NSD1: variants seen among roughly 807,000 people sequenced by gnomAD.
NSD1 encodes histone-lysine N-methyltransferase, H3 lysine-36 specific.
A neutral mutation model predicts 242.7 loss-of-function variants in NSD1; 26 were observed. That is an observed-to-expected ratio of 0.11 (90% confidence interval 0.08 to 0.15). The LOEUF (loss-of-function observed/expected upper bound fraction) is 0.15, where lower values mean the gene tolerates loss of function less well. NSD1 is among the 10% of genes least tolerant of loss of function. The pLI, the probability that NSD1 is intolerant of heterozygous loss-of-function variation, is 1.00. For synonymous variants in NSD1, 1,106 were observed against 1,178.1 expected (o/e 0.94, Z 1.25); for missense variants, 2,495 against 3,272.8 (o/e 0.76, Z 5.80).
At chr5:177,169,808 C>A (rs78572808) in intron 2 of NSD1, among the ~76,000 whole-genome samples, 2,781 of 152,224 alleles carry the variant, frequency 0.018, 33 homozygotes, top group Non-Finnish European at 0.028. Context: ...GAATGTATTC[C>A]AATATCAAAT....
rs1757091551 is a variant in NSD1, at chr5:177,262,744, T to C, written c.5146+2576T>C. Among the ~76,000 whole-genome samples, 3 of 152,230 alleles carry C rather than the reference T, an allele frequency of 2.0e-5. No homozygotes were observed. In the South Asian group the frequency reaches 6.2e-4, roughly 31 times the overall value. Reference sequence around the variant, plus strand: ...AAATACAAAACTTAGCCAGGCGTGATGGCAGACACCTGTAATCCCAGCTAC... The same window carrying C: ...AAATACAAAACTTAGCCAGGCGTGACGGCAGACACCTGTAATCCCAGCTAC... On this transcript the variant is annotated intron_variant, in intron 14 of 22. Transcript: ENST00000439151.
rs79222656 is a variant in NSD1, at chr5:177,238,197, A to G, written c.3922-40A>G. ...TCTTTTTGACACTTAAATTACAACA[A>G]TTTTGGCCTGTGGACTCTATTTTTA... is the stretch of plus-strand genomic sequence containing the variant. On this transcript the variant is annotated intron_variant, in intron 6 of 22. Coordinates refer to ENST00000439151, the MANE Select transcript of NSD1 (RefSeq NM_022455.5). This position sits in a 1 kb window ranked among gnomAD's most constrained non-coding sequence, Gnocchi z 4.6. 233 of 1,612,122 alleles carry G rather than the reference A, an allele frequency of 1.4e-4. No individual in the cohort carries two copies. The African/African-American group carries it at 2.0e-3, about 14-fold the overall frequency.
rs117751808 is a variant in NSD1 at position 177,175,516 on chromosome 5, G to A, written c.928-16368G>A. 2.1e-3 allele frequency among the ~76,000 whole-genome samples: 312 copies of A among 152,060 alleles called. 9 individuals are homozygous for A. The East Asian group carries it at 0.048, about 23-fold the overall frequency. On this transcript the variant is annotated intron_variant, in intron 2 of 22. Coordinates refer to ENST00000439151, the MANE Select transcript of NSD1 (RefSeq NM_022455.5). ...GGTGGCATGTGTCATTAGTCCCAGC[G>A]ACTTGGTGGGGCTGAGGTGGGAGGA...
chr5:177,243,827 G>A (rs1766075742), intron 8 of NSD1, among the ~76,000 whole-genome samples: 1 of 152,062 alleles, frequency 6.6e-6, no homozygotes, highest in Non-Finnish European at 1.5e-5. Flanking sequence ...CTGAGTAGCT[G>A]GGATTACAGG....
At chr5:177,272,566 C>G (rs1186606729) in intron 16 of NSD1, among the ~76,000 whole-genome samples, 1 of 152,118 alleles carries the variant, frequency 6.6e-6, no homozygotes, top group Non-Finnish European at 1.5e-5. Flanking sequence ...TTTTGTTGGA[C>G]TTTTCAGATA....
intron 17 of NSD1, among the ~76,000 whole-genome samples, chr5:177,278,243 A>G (rs11951611): frequency 0.049 from 7,409 of 152,218 alleles, 196 homozygotes; most frequent in South Asian, 0.082. Flanking sequence ...GAGTAGCTGG[A>G]ACCTCAAGCA....
chr5:177,235,954 C>T lies in NSD1; in HGVS notation c.3921+9C>T, dbSNP rs192246663. ...AGGAGCAGGTGCACAAGGTATGTTG[C>T]AAAATTTCAGCAAACTTTCACTGGT... On this transcript the variant is annotated intron_variant, in intron 6 of 22. Transcript: ENST00000439151. 2.8e-5 allele frequency: 45 copies of T among 1,613,792 alleles called. 1 individual carries two copies. Among genetic ancestry groups the T allele is most frequent in the Admixed American group, 1.2e-4 (7 of 60,012 alleles).
In NSD1 at chr5:177,235,861, G is replaced by A. The variant is rs1765400524; in HGVS notation, c.3837G>A (p.Lys1279=). ...AGAAACGCCTTAGGAAGCCAAGCAA[G>A]TGGCTTTTGGAATATACAGAAGAAT... ...SEKKRLRKPS[K]WLLEYTEEYD... is the part of the protein sequence containing the mutation. Residue 1279 remains lysine (K), a synonymous_variant, in exon 6 of 23, where the codon AAG becomes AAA. Coordinates refer to ENST00000439151, the MANE Select transcript of NSD1 (RefSeq NM_022455.5). 6.2e-7 allele frequency: 1 copy of A among 1,613,836 alleles called. No homozygotes were observed. The highest frequency in any genetic ancestry group is 1.1e-5 in the South Asian group (1 of 91,086).
In NSD1 at chr5:177,135,190, C is replaced by G; in HGVS notation, c.87C>G (p.Asp29Glu). The change falls in exon 2 of 23, where the codon GAC (aspartate) becomes GAG (glutamate). Residue 29 changes from aspartate (D) to glutamate (E), a missense_variant. Around this residue, in one of 19 missense-constraint regions of NSD1, gnomAD observed 376 missense variants for 367.4 expected, o/e 1.02. Coordinates refer to ENST00000439151, the MANE Select transcript of NSD1 (RefSeq NM_022455.5). ...PVNLDAPEDK[D>E]SPFGNGQSNF... The stretch of plus-strand genomic sequence containing the variant: ...ATTTAGATGCCCCTGAAGACAAGGA[C>G]AGCCCTTTCGGTAATGGTCAATCCA... 1 of 1,614,038 alleles carries G rather than the reference C, an allele frequency of 6.2e-7. No homozygotes were observed. The highest frequency in any genetic ancestry group is 2.2e-5 in the East Asian group (1 of 44,884).
chr5:177,237,610 G>A lies in NSD1; in HGVS notation c.3922-627G>A, dbSNP rs185913946. Reference sequence around the variant, plus strand: ...TGCAGTGGTGTGATCTCAGCTCACTGCAAGCTCTGCCTCTCCTGTTCACAC... The same window carrying A: ...TGCAGTGGTGTGATCTCAGCTCACTACAAGCTCTGCCTCTCCTGTTCACAC... On this transcript the variant is annotated intron_variant, in intron 6 of 22. Transcript: ENST00000439151. Among the ~76,000 whole-genome samples the A allele has an allele frequency of 5.7e-3, 805 of 141,446 alleles. 6 individuals carry two copies. The highest frequency in any genetic ancestry group is 0.02 in the African/African-American group (761 of 37,156). The allele number at this position is 141,446 out of a possible 152,430, so 92.8% of individuals were successfully genotyped here.
intron 2 of NSD1, chr5:177,136,329 T>TAA (rs1176817397): frequency 1.3e-3 from 234 of 175,954 alleles, no homozygotes; most frequent in Middle Eastern, 5.0e-3. Flanking sequence ...CATATATGAT[T>TAA]AAAAAAAAAA....
rs766499429 is a variant in NSD1 at position 177,238,545 on chromosome 5, T to C, written c.4192+38T>C. ...TGGGGTCTCAGTATTTGAGCAGATATGATTAGAGGAAGCAGGAGATTTTAG... is the reference window on the plus strand; with the variant it reads ...TGGGGTCTCAGTATTTGAGCAGATACGATTAGAGGAAGCAGGAGATTTTAG... On this transcript the variant is annotated intron_variant, in intron 7 of 22. Coordinates refer to ENST00000439151, the MANE Select transcript of NSD1 (RefSeq NM_022455.5). The surrounding 1 kb of genome is among the most constrained non-coding windows in gnomAD (Gnocchi z 4.6). The C allele has an allele frequency of 5.0e-6, 8 of 1,604,574 alleles. No homozygotes were observed. The highest frequency in any genetic ancestry group is 3.3e-5 in the Admixed American group (2 of 59,990).
chr5:177,159,189 C>T (rs2149787173), intron 2 of NSD1, among the ~76,000 whole-genome samples: 1 of 150,458 alleles, frequency 6.6e-6, no homozygotes, highest in African/African-American at 2.4e-5. Flanking sequence ...ATTACAGGCA[C>T]TCGCCACCAT....
In NSD1 at chr5:177,260,183, C is replaced by T; in HGVS notation, c.5146+15C>T. The T allele has an allele frequency of 6.2e-7, 1 of 1,612,176 alleles. No individual in the cohort carries two copies. The highest frequency in any genetic ancestry group is 1.3e-5 in the African/African-American group (1 of 74,960). ...GTGCTCAGAAGGTAAGAAATCATTT[C>T]TTCCTCTATTTGTAGTCTAAAAAGG... is the stretch of plus-strand genomic sequence containing the variant. On this transcript the variant is annotated intron_variant, in intron 14 of 22. Transcript: ENST00000439151.
intron 2 of NSD1, among the ~76,000 whole-genome samples, chr5:177,163,943 G>C (rs1315062822): frequency 6.6e-6 from 1 of 152,110 alleles, no homozygotes. Flanking sequence ...TGTATTTTTA[G>C]TGGATTCTTG....
chr5:177,204,253 G>T lies in NSD1; in HGVS notation c.1197G>T (p.Arg399Ser). Residue 399 changes from arginine (R) to serine (S), a missense_variant, in exon 4 of 23, where the codon AGG becomes AGT. Arg to Ser is a moderately radical substitution (Grantham distance 110). Coordinates refer to ENST00000439151, the MANE Select transcript of NSD1 (RefSeq NM_022455.5). Reference sequence around the variant, plus strand: ...AATTCGAAGAGCTACCTGTCCTTAGGAGAAGAGGGAAACAGAAAGAAAAAG... The same window carrying T: ...AATTCGAAGAGCTACCTGTCCTTAGTAGAAGAGGGAAACAGAAAGAAAAAG... ...RHQFEELPVL[R>S]RRGKQKEKGY... is the part of the protein sequence containing the mutation. The T allele has an allele frequency of 6.2e-7, 1 of 1,614,112 alleles. No homozygotes were observed. The highest frequency in any genetic ancestry group is 1.1e-5 in the South Asian group (1 of 91,066).
chr5:177,264,278 T>G (rs10037055), intron 14 of NSD1, among the ~76,000 whole-genome samples: 107,850 of 151,880 alleles, frequency 0.71, 39,796 homozygotes, highest in Middle Eastern at 0.84. Flanking sequence ...TTTGCATATG[T>G]AAAAGATGCA....
chr5:177,257,554 A>G (rs959116529), intron 13 of NSD1, among the ~76,000 whole-genome samples: 14 of 151,762 alleles, frequency 9.2e-5, no homozygotes, highest in Non-Finnish European at 1.3e-4. Flanking sequence ...TTCAAATGCA[A>G]TCAATCCACC....
rs1199045322 is a variant in NSD1, at chr5:177,207,182, C to T, written c.1237-2454C>T. Among the ~76,000 whole-genome samples, 3 of 152,188 alleles carry T rather than the reference C, an allele frequency of 2.0e-5. No homozygotes were observed. In the South Asian group the frequency reaches 6.2e-4, roughly 32 times the overall value. ...GACCTCCTAACCTAAGGTGACCCCC[C>T]GCCATCCCCCCGACCTTGGCCTCTC... is the stretch of plus-strand genomic sequence containing the variant. On this transcript the variant is annotated intron_variant, in intron 4 of 22. Transcript: ENST00000439151.
Sources: allele counts gnomAD v4.1 joint callset (sites outside exome capture counted in the v4.1 genomes callset), GRCh38; gene constraint gnomAD v4.1.1; regional missense constraint gnomAD v4.1.1; non-coding constraint Gnocchi (gnomAD v3.1); transcripts MANE v1.5; gene names NCBI Gene and HGNC (gene_info 2026-07-23, HGNC 2026-07-21).